NFS1: variants seen among roughly 807,000 people sequenced by gnomAD.
NFS1 encodes the protein cysteine desulfurase.
In NFS1, 26 loss-of-function variants were observed where a neutral mutation model predicts 57.3. That is an observed-to-expected ratio of 0.45 (90% confidence interval 0.33 to 0.63). The LOEUF (loss-of-function observed/expected upper bound fraction) is 0.63. Among genes scored for constraint, NFS1 ranks in the 20% least tolerant of loss-of-function variants. The pLI, the probability that NFS1 is intolerant of heterozygous loss-of-function variation, is 0.02. For missense variants in NFS1, 505 were observed against 605.8 expected (o/e 0.83, Z 1.75); for synonymous variants, 209 against 216.3 (o/e 0.97, Z 0.30).
intron 7 of NFS1, among the ~76,000 whole-genome samples, chr20:35,679,349 A>G (rs989897008): frequency 1.3e-5 from 2 of 152,092 alleles, no homozygotes; most frequent in Admixed American, 6.6e-5. Context: ...ACACCCGGCT[A>G]ATTTTTTTAT....
At chr20:35,691,201 A>C (rs2035034061) in intron 4 of NFS1, among the ~76,000 whole-genome samples, 1 of 152,154 alleles carries the variant, frequency 6.6e-6, no homozygotes, top group African/African-American at 2.4e-5. Context: ...AATATACAGC[A>C]AATTAGCAGT....
intron 5 of NFS1, among the ~76,000 whole-genome samples, chr20:35,685,028 G>A (rs895292246): frequency 6.6e-6 from 1 of 151,538 alleles, no homozygotes; most frequent in African/African-American, 2.4e-5. Flanking sequence ...CCGAGATTAT[G>A]GGCAGACACC....
At chr20:35,672,908 G>A (rs745920908) in intron 11 of NFS1, 64 bp from the exon 12 acceptor site, 69 of 909,074 alleles carry the variant, frequency 7.6e-5, no homozygotes, top group Non-Finnish European at 1.0e-4. Context: ...AATTCATTCC[G>A]CAAATACTCA....
At chr20:35,672,875 A>G (rs1330501767) in intron 11 of NFS1, 31 bp from the exon 12 acceptor site, 3 of 1,342,668 alleles carry the variant, frequency 2.2e-6, no homozygotes, top group African/African-American at 1.5e-5. Flanking sequence ...ATGGCTCCCC[A>G]TCAGAGCTCT....
intron 4 of NFS1, among the ~76,000 whole-genome samples, chr20:35,694,135 G>A (rs1376388153): frequency 6.6e-6 from 1 of 150,644 alleles, no homozygotes; most frequent in Non-Finnish European, 1.5e-5. Flanking sequence ...GACAGAATGA[G>A]ACCATGTCTT....
At chr20:35,695,550 G>A (rs1172735383) in intron 4 of NFS1, among the ~76,000 whole-genome samples, 1 of 152,162 alleles carries the variant, frequency 6.6e-6, no homozygotes, top group Non-Finnish European at 1.5e-5. Flanking sequence ...TATGTACCCA[G>A]GACAAAATGA....
Position 35,699,031 on chromosome 20 carries a change from G to A in NFS1, c.97+161C>T. The A allele has an allele frequency of 7.6e-7, 1 of 1,322,922 alleles. No homozygotes were observed. The highest frequency in any genetic ancestry group is 3.8e-5 in the Admixed American group (1 of 26,230). The allele number at this position is 1,322,922 out of a possible 1,614,324, so 81.9% of individuals were successfully genotyped here. On this transcript the variant is annotated intron_variant, in intron 1 of 12. Transcript: ENST00000374092. This position sits in a 1 kb window ranked among gnomAD's most constrained non-coding sequence, Gnocchi z 4.4. ...GAGGGGTGGTGCGCCGGGGTCAACC[G>A]TTCGGGGACCCGCCTAAGAAAGTTT...
chr20:35,677,174 CT>C (rs1391883707), intron 7 of NFS1, among the ~76,000 whole-genome samples: 1 of 152,102 alleles, frequency 6.6e-6, no homozygotes, highest in East Asian at 1.9e-4. Flanking sequence ...TGTCTGTGCA[CT>C]TTTTTGTAGC....
chr20:35,698,716 C>A, intron 1 of NFS1, 126 bp from the exon 2 acceptor site: 1 of 1,421,492 alleles, frequency 7.0e-7, no homozygotes, highest in Non-Finnish European at 9.2e-7. Flanking sequence ...AGGGTCGAAT[C>A]TCAATGGAAA....
chr20:35,673,561 G>T, intron 11 of NFS1, 40 bp downstream of exon 11: 1 of 1,536,372 alleles, frequency 6.5e-7, no homozygotes, highest in South Asian at 1.1e-5. Flanking sequence ...AAAAATATAA[G>T]AGGATGCCTT....
At chr20:35,691,355 T>G (rs993093585) in intron 4 of NFS1, among the ~76,000 whole-genome samples, 2 of 151,744 alleles carry the variant, frequency 1.3e-5, no homozygotes, top group African/African-American at 4.8e-5. Flanking sequence ...GTATTACTGT[T>G]AATATCACAA....
At position 35,674,553 on chromosome 20, in the gene NFS1, G is replaced by T. The variant is rs752920072; in HGVS notation, c.1013C>A (p.Pro338Gln). 3 of 1,614,112 alleles carry T rather than the reference G, an allele frequency of 1.9e-6. No individual in the cohort carries two copies. In the South Asian group the frequency reaches 3.3e-5, roughly 18 times the overall value. ...AGGGTCCCCATTCATCACCACATCT[G>T]GAAGGCTCTTCATTATATTCTGTAT... ...RLIQNIMKSLPDVVMNGDPKH... is the reference protein window; with the variant it reads ...RLIQNIMKSLQDVVMNGDPKH... Residue 338 changes from proline (P) to glutamine (Q), a missense_variant, in exon 9 of 13, where the codon CCA (proline) becomes CAA (glutamine). By Grantham distance (76) the Pro-to-Gln change is moderately conservative (BLOSUM62 -1). Transcript: ENST00000374092.
At chr20:35,677,053 G>C (rs761753517) in intron 7 of NFS1, among the ~76,000 whole-genome samples, 3 of 152,074 alleles carry the variant, frequency 2.0e-5, no homozygotes, top group Non-Finnish European at 2.9e-5. Flanking sequence ...TTTTAGTACA[G>C]ACGGGGTTTC....
intron 5 of NFS1, among the ~76,000 whole-genome samples, chr20:35,683,537 T>C (rs1160172152): frequency 6.7e-6 from 1 of 149,902 alleles, no homozygotes; most frequent in Non-Finnish European, 1.5e-5. Context: ...TCCAAGCACT[T>C]TGGGAGGCTG....
chr20:35,685,558 T>A (rs964564193), intron 5 of NFS1, among the ~76,000 whole-genome samples: 19 of 143,506 alleles, frequency 1.3e-4, no homozygotes, highest in East Asian at 4.0e-4. Context: ...ATAAAATATT[T>A]TATATATATA....
chr20:35,690,666 C>G, intron 4 of NFS1, 101 bp from the exon 5 acceptor site: 1 of 1,122,870 alleles, frequency 8.9e-7, no homozygotes, highest in Non-Finnish European at 1.3e-6. Context: ...ACAGTATGCT[C>G]CAACACCAGT....
chr20:35,686,275 G>A (rs186848673), intron 5 of NFS1, among the ~76,000 whole-genome samples: 71 of 150,102 alleles, frequency 4.7e-4, no homozygotes, highest in African/African-American at 1.6e-3. Context: ...GCTTGAACCC[G>A]GGAGGCGGAG....
At chr20:35,697,192 G>C (rs570229133) in intron 3 of NFS1, among the ~76,000 whole-genome samples, 1 of 151,822 alleles carries the variant, frequency 6.6e-6, no homozygotes, top group East Asian at 1.9e-4. Flanking sequence ...AATTACTTGG[G>C]AGGCTGAGGC....
chr20:35,683,363 T>A (rs1355636091), intron 5 of NFS1, among the ~76,000 whole-genome samples: 1 of 151,620 alleles, frequency 6.6e-6, no homozygotes, highest in Non-Finnish European at 1.5e-5. Context: ...GCACCTGTAA[T>A]CCCAGCTACT....
Sources: gnomAD v4.1 joint callset for allele counts (sites outside exome capture counted in the v4.1 genomes callset) on GRCh38, gnomAD v4.1.1 for gene constraint, Gnocchi (gnomAD v3.1) non-coding constraint, MANE v1.5 for transcripts, NCBI Gene and HGNC (gene_info 2026-07-23, HGNC 2026-07-21) for gene names.